The following RIMS1 variants were observed in gnomAD, a reference collection of about 807,000 sequenced individuals.
The protein encoded by RIMS1 is regulating synaptic membrane exocytosis protein 1.
A neutral mutation model predicts 214.1 loss-of-function variants in RIMS1; 83 were observed. The observed-to-expected ratio is 0.39, with a 90% CI of 0.32 to 0.47. The LOEUF is 0.47. Among genes scored for constraint, RIMS1 ranks in the 20% least tolerant of loss-of-function variants. RIMS1 has a pLI of 0.99. For synonymous variants in RIMS1, 793 were observed against 786.8 expected, an observed-to-expected ratio of 1.01 and a Z score of -0.13; for missense variants, 2,050 against 2,161.8, an observed-to-expected ratio of 0.95 and a Z score of 1.03.
intron 2 of RIMS1, among the ~76,000 whole-genome samples, chr6:72,011,550 A>G (rs1006327938): frequency 8.5e-5 from 13 of 152,080 alleles, no homozygotes; most frequent in Non-Finnish European, 1.5e-4. Context: ...GCAACCTACA[A>G]AATCGGAGAA....
intron 2 of RIMS1, among the ~76,000 whole-genome samples, chr6:72,010,129 A>G (rs965196656): frequency 1.3e-5 from 2 of 152,196 alleles, no homozygotes; most frequent in African/African-American, 4.8e-5. Flanking sequence ...AAGCTTATCC[A>G]CCATGATCAA....
intron 1 of RIMS1, among the ~76,000 whole-genome samples, chr6:71,924,629 G>GAAAAAAAAAAAAAA (rs1295343626): frequency 9.1e-6 from 1 of 109,936 alleles, no homozygotes; most frequent in African/African-American, 4.4e-5. Flanking sequence ...CCCCATCTCT[G>GAAAAAAAAAAAAAA]CAAAAAAAAA....
chr6:72,086,764 G>A (rs559585909), intron 2 of RIMS1, among the ~76,000 whole-genome samples: 14 of 152,198 alleles, frequency 9.2e-5, no homozygotes, highest in African/African-American at 2.9e-4. Flanking sequence ...AAGTAAGTGG[G>A]GACCTTGTAC....
chr6:72,029,538 C>T (rs1356828802), intron 2 of RIMS1, among the ~76,000 whole-genome samples: 2 of 152,096 alleles, frequency 1.3e-5, no homozygotes, highest in African/African-American at 4.8e-5. Flanking sequence ...CCTCACCAGA[C>T]ACTGAATTTG....
chr6:72,031,373 C>T (rs920424647), intron 2 of RIMS1, among the ~76,000 whole-genome samples: 1 of 152,118 alleles, frequency 6.6e-6, no homozygotes, highest in Non-Finnish European at 1.5e-5. Context: ...TATATCTCAA[C>T]TCATCCACCC....
At chr6:72,198,622 A>G (rs780854191) in intron 6 of RIMS1, among the ~76,000 whole-genome samples, 10 of 151,998 alleles carry the variant, frequency 6.6e-5, no homozygotes, top group Non-Finnish European at 1.5e-4. Context: ...TAACAACAAT[A>G]TATTTCATAT....
chr6:71,936,315 A>G (rs1784423380), intron 1 of RIMS1, among the ~76,000 whole-genome samples: 1 of 116,892 alleles, frequency 8.6e-6, no homozygotes, highest in South Asian at 3.2e-4. Flanking sequence ...CGACAGAGCG[A>G]GACTCCGTCT....
chr6:72,193,097 A>T (rs1445378222), intron 6 of RIMS1, among the ~76,000 whole-genome samples: 1 of 152,248 alleles, frequency 6.6e-6, no homozygotes, highest in East Asian at 1.9e-4. Flanking sequence ...AATCAGACAT[A>T]ATTAAATCCT....
intron 4 of RIMS1, among the ~76,000 whole-genome samples, chr6:72,101,685 T>A (rs983135439): frequency 1.3e-5 from 2 of 151,938 alleles, no homozygotes; most frequent in African/African-American, 2.4e-5. Flanking sequence ...TTCTACTTGA[T>A]CTGTTAAATT....
chr6:72,231,610 G>A (rs185392680), intron 6 of RIMS1, among the ~76,000 whole-genome samples: 376 of 151,730 alleles, frequency 2.5e-3, no homozygotes, highest in Non-Finnish European at 2.9e-3. Context: ...GACAGACTAT[G>A]TGTAATATTT....
intron 2 of RIMS1, among the ~76,000 whole-genome samples, chr6:72,025,414 T>A (rs1816129387): frequency 6.6e-6 from 1 of 152,220 alleles, no homozygotes; most frequent in South Asian, 2.1e-4. Flanking sequence ...TCTACTTCAA[T>A]GTCCTGCCTC....
intron 1 of RIMS1, among the ~76,000 whole-genome samples, chr6:71,929,758 G>A (rs1052982471): frequency 3.3e-5 from 5 of 152,008 alleles, no homozygotes; most frequent in Admixed American, 3.3e-4. Flanking sequence ...CGAAAGATAT[G>A]AAAGTTATCA....
rs73530603 is a variant in RIMS1, at chr6:72,146,240, C to T, written c.472-33335C>T. On this transcript the variant is annotated intron_variant, in intron 4 of 33. Coordinates refer to ENST00000521978, the MANE Select transcript of RIMS1 (RefSeq NM_014989.7). ...TATTTTTAAAAAGGCAAAATCTTTA[C>T]GCAACAGGAGGGAAGACTTAGCTTT... Among the ~76,000 whole-genome samples the T allele has an allele frequency of 7.3e-3, 1,115 of 152,226 alleles. 9 individuals are homozygous for T. The highest frequency in any genetic ancestry group is 0.024 in the African/African-American group (1,013 of 41,546).
At chr6:71,915,601 C>T (rs934329582) in intron 1 of RIMS1, among the ~76,000 whole-genome samples, 3 of 152,138 alleles carry the variant, frequency 2.0e-5, no homozygotes, top group Non-Finnish European at 4.4e-5. Flanking sequence ...AGAGCTTAGG[C>T]AAGTCACTTA....
intron 6 of RIMS1, among the ~76,000 whole-genome samples, chr6:72,217,794 C>G (rs2056825701): frequency 1.3e-5 from 2 of 152,246 alleles, no homozygotes; most frequent in South Asian, 2.1e-4. Flanking sequence ...AAAGGGGAAA[C>G]TGTTCAGATG....
intron 1 of RIMS1, among the ~76,000 whole-genome samples, chr6:71,958,509 TTAAAG>T (rs1791966516): frequency 6.6e-6 from 1 of 151,998 alleles, no homozygotes; most frequent in African/African-American, 2.4e-5. Flanking sequence ...GGACTAAAAA[TTAAAG>T]GAATGGGAGA....
At chr6:72,295,091 T>G (rs1030495281) in intron 26 of RIMS1, among the ~76,000 whole-genome samples, 22 of 151,936 alleles carry the variant, frequency 1.4e-4, no homozygotes, top group African/African-American at 5.3e-4. Flanking sequence ...CAACTGGATC[T>G]TTTAAAGAAG....
rs535970925 is a variant in RIMS1 at position 72,119,225 on chromosome 6, C to G, written c.471+19239C>G. On this transcript the variant is annotated intron_variant, in intron 4 of 33. Transcript: ENST00000521978. ...ATAAAGACCTCAATCCCTTTCACAA[C>G]AGCTGCAAAAAATTTATAAAATACT... is the stretch of plus-strand genomic sequence containing the variant. Among the ~76,000 whole-genome samples the G allele has an allele frequency of 1.0e-3, 151 of 151,370 alleles. 5 individuals are homozygous for G. The South Asian group carries it at 0.03, about 30-fold the overall frequency.
rs184472864 is a variant in RIMS1 at position 72,169,356 on chromosome 6, G to A, written c.472-10219G>A. On this transcript the variant is annotated intron_variant, in intron 4 of 33. Transcript: ENST00000521978. Reference sequence around the variant, plus strand: ...AGAGGGCTTGAGATCAAAATATTTGGAAAACTTTACATCTTTCATGAAGCC... The same window carrying A: ...AGAGGGCTTGAGATCAAAATATTTGAAAAACTTTACATCTTTCATGAAGCC... 3.2e-3 allele frequency among the ~76,000 whole-genome samples: 491 copies of A among 152,180 alleles called. 7 individuals carry two copies. The highest frequency in any genetic ancestry group is 0.011 in the African/African-American group (448 of 41,522).
Sources: allele counts gnomAD v4.1 joint callset (sites outside exome capture counted in the v4.1 genomes callset), GRCh38; gene constraint gnomAD v4.1.1; transcripts MANE v1.5; gene names NCBI Gene and HGNC (gene_info 2026-07-23, HGNC 2026-07-21).